Variants in GALNT2 observed in about 807,000 individuals in gnomAD.
GALNT2 encodes the protein polypeptide N-acetylgalactosaminyltransferase 2.
A neutral mutation model predicts 81.4 loss-of-function variants in GALNT2; 31 were observed. That is an observed-to-expected ratio of 0.38 (90% CI 0.29 to 0.51). GALNT2 has a LOEUF of 0.51. Among genes scored for constraint, GALNT2 ranks in the 20% least tolerant of loss-of-function variants. The pLI is 0.87. For missense variants in GALNT2, 629 were observed against 765.7 expected (o/e 0.82, Z 2.11); for synonymous variants, 303 against 287.4 (o/e 1.05, Z -0.55).
intron 1 of GALNT2, among the ~76,000 whole-genome samples, chr1:230,080,875 T>C (rs1257840517): frequency 6.6e-6 from 1 of 152,246 alleles, no homozygotes; most frequent in Admixed American, 6.5e-5. Flanking sequence ...TAGTAAGTGC[T>C]TAAAAGTGTT....
At chr1:230,082,975 A>G (rs1419271858) in intron 1 of GALNT2, among the ~76,000 whole-genome samples, 1 of 148,936 alleles carries the variant, frequency 6.7e-6, no homozygotes, top group Non-Finnish European at 1.5e-5. Flanking sequence ...ATGATGGAGC[A>G]GGGCAGCTGG....
intron 1 of GALNT2, among the ~76,000 whole-genome samples, chr1:230,137,500 A>C (rs1013646064): frequency 6.6e-6 from 1 of 152,246 alleles, no homozygotes; most frequent in Non-Finnish European, 1.5e-5. Context: ...TCAGCTGGGC[A>C]GCCAGCCGAG....
At position 230,178,237 on chromosome 1, in the gene GALNT2, AC is replaced by A. The variant is rs1429965733; in HGVS notation, c.150del (p.Ile51LeufsTer91). ...CCCTAGGAGGACTGGAATGAAATTG[AC>A]CCCATTAAAAAGAAAGACCTTCATC... Reference protein sequence around the residue: ...AGRKEDWNEIDPIKKKDLHHS... With the variant: ...AGRKEDWNEIXPIKKKDLHHS... On this transcript the variant is annotated frameshift_variant, in exon 2 of 16. Coordinates refer to ENST00000366672, the MANE Select transcript of GALNT2 (RefSeq NM_004481.5). LOFTEE classifies it high-confidence loss of function. 6.2e-7 allele frequency: 1 copy of A among 1,613,800 alleles called. No individual in the cohort carries two copies. Among genetic ancestry groups the A allele is most frequent in the South Asian group, 1.1e-5 (1 of 91,062 alleles).
At chr1:230,075,968 G>C (rs112745316) in intron 1 of GALNT2, among the ~76,000 whole-genome samples, 28 of 152,050 alleles carry the variant, frequency 1.8e-4, no homozygotes, top group African/African-American at 6.5e-4. Flanking sequence ...GGTTTCTTTT[G>C]CTAAACAAAT....
intron 3 of GALNT2, among the ~76,000 whole-genome samples, chr1:230,217,066 A>G (rs891086187): frequency 1.3e-5 from 2 of 152,138 alleles, no homozygotes; most frequent in Non-Finnish European, 2.9e-5. Flanking sequence ...TCACTGGGGA[A>G]ACAGCTGTGA....
chr1:230,126,577 G>A (rs977820471), intron 1 of GALNT2, among the ~76,000 whole-genome samples: 15 of 152,200 alleles, frequency 9.9e-5, no homozygotes, highest in African/African-American at 2.7e-4. Context: ...ACATGAGCGG[G>A]AATGAGAGTG....
intron 1 of GALNT2, among the ~76,000 whole-genome samples, chr1:230,171,811 T>C (rs1662802780): frequency 6.6e-6 from 1 of 152,286 alleles, no homozygotes; most frequent in East Asian, 1.9e-4. Flanking sequence ...CCAGAGGTGG[T>C]AATTGTATTT....
intron 1 of GALNT2, among the ~76,000 whole-genome samples, chr1:230,100,276 C>G (rs1421683280): frequency 6.7e-6 from 1 of 149,586 alleles, no homozygotes; most frequent in Non-Finnish European, 1.5e-5. Flanking sequence ...TGGTAATGTG[C>G]AGGATGGGGG....
chr1:230,109,825 C>T (rs1014193874), intron 1 of GALNT2, among the ~76,000 whole-genome samples: 1 of 148,802 alleles, frequency 6.7e-6, no homozygotes, highest in Non-Finnish European at 1.5e-5. Flanking sequence ...AGCGAAACTT[C>T]GTCTCCAAAA....
At chr1:230,265,082 T>G in intron 13 of GALNT2, 159 bp from the exon 14 acceptor site, 1 of 819,390 alleles carries the variant, frequency 1.2e-6, no homozygotes, top group Non-Finnish European at 2.0e-6. Context: ...GCCGTGTCCC[T>G]GACACACACT....
chr1:230,276,044 C>T (rs1222572817), intron 15 of GALNT2, among the ~76,000 whole-genome samples: 1 of 138,136 alleles, frequency 7.2e-6, no homozygotes, highest in African/African-American at 2.9e-5. Flanking sequence ...TACGTATATA[C>T]ATGCCACATA....
intron 1 of GALNT2, among the ~76,000 whole-genome samples, chr1:230,090,069 G>T (rs543783702): frequency 3.2e-4 from 48 of 152,266 alleles, no homozygotes; most frequent in South Asian, 1.2e-3. Flanking sequence ...ATTTTCTGTT[G>T]TTTGATAGTA....
chr1:230,218,973 G>T (rs1000573225), intron 3 of GALNT2, among the ~76,000 whole-genome samples: 9 of 152,236 alleles, frequency 5.9e-5, no homozygotes, highest in African/African-American at 1.9e-4. Context: ...AACTGCACAT[G>T]CAAGGGATCT....
chr1:230,195,458 G>A (rs1385580511), intron 2 of GALNT2, among the ~76,000 whole-genome samples: 6 of 152,012 alleles, frequency 3.9e-5, no homozygotes, highest in East Asian at 1.9e-4. Flanking sequence ...AAAGAGAGAG[G>A]GTGCAGAGAG....
intron 1 of GALNT2, among the ~76,000 whole-genome samples, chr1:230,080,628 G>C (rs1053894269): frequency 6.6e-6 from 1 of 152,148 alleles, no homozygotes; most frequent in African/African-American, 2.4e-5. Context: ...CTAGCTCTGG[G>C]TGTCTTTCTG....
chr1:230,230,321 G>A (rs562079288), intron 3 of GALNT2, among the ~76,000 whole-genome samples: 50 of 152,306 alleles, frequency 3.3e-4, no homozygotes, highest in African/African-American at 1.2e-3. Flanking sequence ...CAGACTGCCA[G>A]TATGATAATT....
chr1:230,113,097 G>T (rs535024345), intron 1 of GALNT2, among the ~76,000 whole-genome samples: 3 of 152,144 alleles, frequency 2.0e-5, no homozygotes, highest in East Asian at 3.9e-4. Context: ...GCCTGAGGAA[G>T]TGTCTTACCC....
In GALNT2 at chr1:230,203,224, A is replaced by G; in HGVS notation, c.308A>G (p.Lys103Arg). 1 of 1,614,200 alleles carries G rather than the reference A, an allele frequency of 6.2e-7. No homozygotes were observed. Among genetic ancestry groups the G allele is most frequent in the Non-Finnish European group, 8.5e-7 (1 of 1,180,020 alleles). The change falls in exon 3 of 16, where the codon AAG (lysine) becomes AGG (arginine). Residue 103 changes from lysine (K) to arginine (R), a missense_variant. By Grantham distance (26) the Lys-to-Arg change is conservative. Coordinates refer to ENST00000366672, the MANE Select transcript of GALNT2 (RefSeq NM_004481.5). ...GGGCAGGACCCTTACGCCCGCAACA[A>G]GTTCAACCAGGTGGAGAGTGATAAG... is the stretch of plus-strand genomic sequence containing the variant. ...RSGQDPYARNKFNQVESDKLR... is the reference protein window; with the variant it reads ...RSGQDPYARNRFNQVESDKLR...
intron 1 of GALNT2, among the ~76,000 whole-genome samples, chr1:230,098,240 C>G (rs1371149934): frequency 6.6e-6 from 1 of 152,116 alleles, no homozygotes; most frequent in Non-Finnish European, 1.5e-5. Flanking sequence ...GGAATGCTGG[C>G]ACCCTAACAG....
Sources: gnomAD v4.1 joint callset for allele counts (sites outside exome capture counted in the v4.1 genomes callset) on GRCh38, gnomAD v4.1.1 for gene constraint, MANE v1.5 for transcripts, NCBI Gene and HGNC (gene_info 2026-07-23, HGNC 2026-07-21) for gene names.